The following DYNC1I1 variants were observed in gnomAD, a reference collection of about 807,000 sequenced individuals.
DYNC1I1 encodes dynein cytoplasmic 1 intermediate chain 1.
DYNC1I1 carries 43 observed loss-of-function variants against 86.6 expected under a neutral mutation model. That is an observed-to-expected ratio of 0.50 (90% confidence interval 0.39 to 0.64). The LOEUF (loss-of-function observed/expected upper bound fraction) is 0.64, where lower values mean the gene tolerates loss of function less well. DYNC1I1 is among the 30% of genes least tolerant of loss of function. The pLI is 0.00. For synonymous variants in DYNC1I1, 262 were observed against 283.7 expected, an observed-to-expected ratio of 0.92 and a Z score of 0.77; for missense variants, 604 against 788.8, an observed-to-expected ratio of 0.77 and a Z score of 2.81.
intron 16 of DYNC1I1, among the ~76,000 whole-genome samples, chr7:96,081,818 G>C (rs42080): frequency 2.0e-5 from 3 of 152,056 alleles, no homozygotes; most frequent in African/African-American, 4.8e-5. Flanking sequence ...GATTATGTTG[G>C]AACAAGCTAG....
At chr7:95,818,477 T>C in intron 4 of DYNC1I1, 1 of 443,844 alleles carries the variant, frequency 2.3e-6, no homozygotes, top group South Asian at 2.7e-5. Context: ...GATTTAATTT[T>C]TTTTTTTTTT....
intron 2 of DYNC1I1, among the ~76,000 whole-genome samples, chr7:95,808,171 C>T (rs1794745720): frequency 6.6e-6 from 1 of 152,000 alleles, no homozygotes. Context: ...TTAAGATTTT[C>T]TAGTTTTGTG....
rs904373916 is a variant in DYNC1I1, at chr7:95,983,424, G to A, written c.581-1391G>A. On this transcript the variant is annotated intron_variant, in intron 7 of 16. Transcript: ENST00000447467. ...TTACCTGGAGAGCATTTCTTAAGGT[G>A]TGAACCAACTACATCAGGATCATTC... 9.9e-5 allele frequency among the ~76,000 whole-genome samples: 15 copies of A among 152,250 alleles called. No individual in the cohort carries two copies. The South Asian group carries it at 1.5e-3, about 15-fold the overall frequency.
Position 96,031,629 on chromosome 7 carries a change from A to G in DYNC1I1, c.1117-1038A>G, listed in dbSNP as rs115728821. 5.3e-3 allele frequency among the ~76,000 whole-genome samples: 807 copies of G among 152,300 alleles called. 10 individuals carry two copies. Among genetic ancestry groups the G allele is most frequent in the African/African-American group, 0.019 (776 of 41,560 alleles). ...CTTCTGACCAGCAGTTTATATGATAATAATAGTTTGGGAACCATCCTTTAT... is the reference window on the plus strand; with the variant it reads ...CTTCTGACCAGCAGTTTATATGATAGTAATAGTTTGGGAACCATCCTTTAT... On this transcript the variant is annotated intron_variant, in intron 11 of 16. Coordinates refer to ENST00000447467, the MANE Select transcript of DYNC1I1 (RefSeq NM_001135556.2).
chr7:96,026,100 G>A (rs79115143), intron 10 of DYNC1I1, among the ~76,000 whole-genome samples: 6,185 of 152,168 alleles, frequency 0.041, 182 homozygotes, highest in Non-Finnish European at 0.065. Flanking sequence ...ACAAGAAGCC[G>A]ACCAGCATTA....
chr7:95,901,916 C>T (rs951523780), intron 6 of DYNC1I1, among the ~76,000 whole-genome samples: 3 of 152,182 alleles, frequency 2.0e-5, no homozygotes, highest in Non-Finnish European at 4.4e-5. Context: ...ACTGATTTCC[C>T]TGGTGATGCT....
At chr7:96,105,391 T>C (rs1236972458) in intron 16 of DYNC1I1, among the ~76,000 whole-genome samples, 4 of 152,164 alleles carry the variant, frequency 2.6e-5, no homozygotes, top group African/African-American at 9.6e-5. Flanking sequence ...AGTTTTATCA[T>C]ATGCTTCTTT....
At chr7:95,824,996 T>C (rs952678038) in intron 4 of DYNC1I1, among the ~76,000 whole-genome samples, 2 of 152,034 alleles carry the variant, frequency 1.3e-5, no homozygotes, top group East Asian at 1.9e-4. Context: ...CAGATAATAA[T>C]GGGAAAAATG....
chr7:95,980,152 T>C (rs1793417480), intron 7 of DYNC1I1, among the ~76,000 whole-genome samples: 1 of 152,166 alleles, frequency 6.6e-6, no homozygotes, highest in Non-Finnish European at 1.5e-5. Flanking sequence ...TCGTGCTTCA[T>C]GGAATTGATT....
intron 14 of DYNC1I1, among the ~76,000 whole-genome samples, chr7:96,040,601 C>T (rs972446770): frequency 3.3e-5 from 5 of 151,922 alleles, no homozygotes; most frequent in Middle Eastern, 3.4e-3. Context: ...TAAAGGTGCC[C>T]GGGAGAGGCA....
chr7:96,013,988 G>T (rs1476932817), intron 10 of DYNC1I1, among the ~76,000 whole-genome samples: 1 of 152,122 alleles, frequency 6.6e-6, no homozygotes, highest in African/African-American at 2.4e-5. Context: ...TGTATCCTAT[G>T]ATTAGGATGA....
intron 5 of DYNC1I1, among the ~76,000 whole-genome samples, chr7:95,868,003 G>T (rs528237903): frequency 6.6e-6 from 1 of 152,286 alleles, no homozygotes; most frequent in Non-Finnish European, 1.5e-5. Context: ...AAACTTTGAG[G>T]ATTTTCCCTC....
chr7:96,039,257 C>A lies in DYNC1I1; in HGVS notation c.1365-20C>A. On this transcript the variant is annotated intron_variant, in intron 13 of 16. Transcript: ENST00000447467. ...TTTCAGAGGTCACTGGAATTCTGCT[C>A]ATGTGTGCTCTTCCTACAGCAAAGC... is the stretch of plus-strand genomic sequence containing the variant. 6.2e-7 allele frequency: 1 copy of A among 1,606,054 alleles called. No homozygotes were observed. The highest frequency in any genetic ancestry group is 1.7e-5 in the Admixed American group (1 of 58,264).
chr7:95,992,263 C>T (rs1366161842), intron 9 of DYNC1I1, among the ~76,000 whole-genome samples: 1 of 152,132 alleles, frequency 6.6e-6, no homozygotes, highest in Non-Finnish European at 1.5e-5. Context: ...TACCTCCCTC[C>T]ATCTAATGAT....
intron 16 of DYNC1I1, among the ~76,000 whole-genome samples, chr7:96,090,246 T>C (rs1790801286): frequency 6.6e-6 from 1 of 151,182 alleles, no homozygotes; most frequent in South Asian, 2.1e-4. Flanking sequence ...TTGTTGTTGT[T>C]GTTGTTGTTG....
At chr7:95,960,863 G>T in intron 6 of DYNC1I1, among the ~76,000 whole-genome samples, 1 of 152,206 alleles carries the variant, frequency 6.6e-6, no homozygotes, top group African/African-American at 2.4e-5. Context: ...CTGTTTGAGT[G>T]ATTTGGTTTA....
At chr7:95,888,148 A>C in intron 6 of DYNC1I1, among the ~76,000 whole-genome samples, 1 of 152,234 alleles carries the variant, frequency 6.6e-6, no homozygotes, top group Non-Finnish European at 1.5e-5. Context: ...AATGAAAAAT[A>C]AAATTAGGCC....
At chr7:95,841,971 C>T (rs988690998) in intron 5 of DYNC1I1, among the ~76,000 whole-genome samples, 14 of 152,140 alleles carry the variant, frequency 9.2e-5, no homozygotes, top group African/African-American at 3.1e-4. Context: ...AGTGCTGGGC[C>T]CCATTGGCTT....
At chr7:95,902,229 G>A (rs768153581) in intron 6 of DYNC1I1, among the ~76,000 whole-genome samples, 3 of 152,164 alleles carry the variant, frequency 2.0e-5, no homozygotes, top group South Asian at 2.1e-4. Context: ...CTCCAGTGGC[G>A]TGTTTTTTCC....
Sources: allele counts gnomAD v4.1 joint callset (sites outside exome capture counted in the v4.1 genomes callset), GRCh38; gene constraint gnomAD v4.1.1; transcripts MANE v1.5; gene names NCBI Gene and HGNC (gene_info 2026-07-23, HGNC 2026-07-21).